Variants in VWC2L observed in about 807,000 individuals in gnomAD.
VWC2L encodes von Willebrand factor C domain containing 2 like, also known as von Willebrand factor C domain-containing protein 2-like.
Under a neutral mutation model 21.6 loss-of-function variants are expected in VWC2L, and 10 were observed. The ratio of observed to expected loss-of-function variants is 0.46; its 90% CI spans 0.29 to 0.78. The LOEUF (loss-of-function observed/expected upper bound fraction) is 0.78, where lower values mean the gene tolerates loss of function less well. Among genes scored for constraint, VWC2L ranks in the 30% least tolerant of loss-of-function variants. The probability of loss-of-function intolerance (pLI) is 0.10; values close to 1 mark genes in which losing one functional copy is unlikely to be tolerated. For missense variants in VWC2L, 209 were observed against 277.1 expected, an observed-to-expected ratio of 0.75 and a Z score of 1.74; for synonymous variants, 96 against 94.3, an observed-to-expected ratio of 1.02 and a Z score of -0.10.
At chr2:214,541,540 G>A (rs1312200466) in intron 3 of VWC2L, among the ~76,000 whole-genome samples, 1 of 152,180 alleles carries the variant, frequency 6.6e-6, no homozygotes, top group Non-Finnish European at 1.5e-5. Flanking sequence ...AGAAATAATT[G>A]TTTGGGTAGT....
chr2:214,571,811 G>A (rs1467402844), intron 3 of VWC2L, among the ~76,000 whole-genome samples: 3 of 151,672 alleles, frequency 2.0e-5, no homozygotes, highest in African/African-American at 7.3e-5. Context: ...TCTCGATTCA[G>A]GGGCTCCCTG....
chr2:214,428,464 T>A (rs1415430377), intron 2 of VWC2L, among the ~76,000 whole-genome samples: 2 of 152,192 alleles, frequency 1.3e-5, no homozygotes, highest in Non-Finnish European at 2.9e-5. Flanking sequence ...GCTTCTGCCA[T>A]ACCTTGTCCC....
chr2:214,497,594 G>A (rs909942548), intron 3 of VWC2L, among the ~76,000 whole-genome samples: 3 of 152,098 alleles, frequency 2.0e-5, no homozygotes, highest in Non-Finnish European at 4.4e-5. Flanking sequence ...TTTGGCTCAG[G>A]ATATAATCTG....
intron 3 of VWC2L, among the ~76,000 whole-genome samples, chr2:214,439,013 G>T (rs868009667): frequency 3.9e-5 from 6 of 151,956 alleles, no homozygotes; most frequent in African/African-American, 1.4e-4. Context: ...TTAGTGGAAG[G>T]ACTGATTGTA....
intron 3 of VWC2L, among the ~76,000 whole-genome samples, chr2:214,495,091 G>C (rs1471330282): frequency 6.6e-6 from 1 of 151,916 alleles, no homozygotes; most frequent in Non-Finnish European, 1.5e-5. Flanking sequence ...TTGGTTCAAC[G>C]GTTTTTATTG....
At chr2:214,422,016 T>A (rs1702450585) in intron 2 of VWC2L, among the ~76,000 whole-genome samples, 1 of 147,730 alleles carries the variant, frequency 6.8e-6, no homozygotes, top group Non-Finnish European at 1.5e-5. Context: ...CAGCCTCCCA[T>A]GTAGCTGGGA....
chr2:214,501,120 A>T (rs935588029), intron 3 of VWC2L, among the ~76,000 whole-genome samples: 3 of 151,968 alleles, frequency 2.0e-5, no homozygotes, highest in African/African-American at 7.3e-5. Flanking sequence ...CCAATACTAA[A>T]CCCCCAAATT....
chr2:214,488,163 A>G (rs1688696862), intron 3 of VWC2L, among the ~76,000 whole-genome samples: 1 of 152,124 alleles, frequency 6.6e-6, no homozygotes, highest in African/African-American at 2.4e-5. Context: ...CCCAGCTTCT[A>G]CCGCTTCATG....
chr2:214,436,775 T>C lies in VWC2L; in HGVS notation c.520+17T>C. ...GCAAAAATGGTAAGACCACACTGCA[T>C]TAGCTTTTGAAGAGGGGTTCGCACA... On this transcript the variant is annotated intron_variant, in intron 3 of 3. Transcript: ENST00000312504. 6.2e-7 allele frequency: 1 copy of C among 1,612,468 alleles called. No individual in the cohort carries two copies. Among genetic ancestry groups the C allele is most frequent in the Non-Finnish European group, 8.5e-7 (1 of 1,178,862 alleles).
chr2:214,477,092 G>A (rs935325430), intron 3 of VWC2L, among the ~76,000 whole-genome samples: 7 of 152,196 alleles, frequency 4.6e-5, no homozygotes, highest in South Asian at 2.1e-4. Flanking sequence ...CTAAAGCTAC[G>A]TGACACCTCC....
chr2:214,423,380 C>T lies in VWC2L; in HGVS notation c.390+8797C>T, dbSNP rs186779943. Among the ~76,000 whole-genome samples the T allele has an allele frequency of 8.3e-4, 126 of 152,214 alleles. 1 individual carries two copies. Among genetic ancestry groups the T allele is most frequent in the African/African-American group, 2.8e-3 (115 of 41,566 alleles). On this transcript the variant is annotated intron_variant, in intron 2 of 3. Transcript: ENST00000312504. Reference sequence around the variant, plus strand: ...ACAGAAACTTAGTGATAACACACTTCCATTGTGCCAAATAATGGCACAGCT... The same window carrying T: ...ACAGAAACTTAGTGATAACACACTTTCATTGTGCCAAATAATGGCACAGCT...
chr2:214,554,395 C>T (rs145827867), intron 3 of VWC2L, among the ~76,000 whole-genome samples: 56 of 152,094 alleles, frequency 3.7e-4, no homozygotes, highest in Admixed American at 9.8e-4. Flanking sequence ...GGGGGCCAGA[C>T]ATGCCTTGCC....
At chr2:214,506,450 T>C (rs1051811915) in intron 3 of VWC2L, among the ~76,000 whole-genome samples, 1 of 152,164 alleles carries the variant, frequency 6.6e-6, no homozygotes, top group Non-Finnish European at 1.5e-5. Flanking sequence ...ATTAAGAATT[T>C]CTTAAAATCT....
intron 3 of VWC2L, among the ~76,000 whole-genome samples, chr2:214,484,058 C>T (rs1216199504): frequency 6.6e-6 from 1 of 152,114 alleles, no homozygotes; most frequent in Non-Finnish European, 1.5e-5. Context: ...TTGCAGATTC[C>T]TTGGCTTGCA....
At chr2:214,468,450 T>G (rs1395123342) in intron 3 of VWC2L, among the ~76,000 whole-genome samples, 1 of 152,252 alleles carries the variant, frequency 6.6e-6, no homozygotes, top group African/African-American at 2.4e-5. Context: ...AAAGACATTG[T>G]GCTTTCCATA....
intron 3 of VWC2L, among the ~76,000 whole-genome samples, chr2:214,445,520 A>T (rs1203157782): frequency 6.6e-6 from 1 of 151,792 alleles, no homozygotes; most frequent in East Asian, 1.9e-4. Context: ...GTATGTATGT[A>T]TGTACATATA....
At chr2:214,416,559 AC>A (rs1322997757) in intron 2 of VWC2L, among the ~76,000 whole-genome samples, 2 of 152,060 alleles carry the variant, frequency 1.3e-5, no homozygotes, top group Admixed American at 1.3e-4. Context: ...AGAAACTGAG[AC>A]CAAAAAAGTA....
intron 2 of VWC2L, among the ~76,000 whole-genome samples, chr2:214,418,139 CTCTG>C (rs145381256): frequency 2.4e-4 from 36 of 152,276 alleles, no homozygotes; most frequent in African/African-American, 8.4e-4. Context: ...GGAAACCCCT[CTCTG>C]TCTGTCCTAC....
At chr2:214,552,128 A>G (rs977774230) in intron 3 of VWC2L, among the ~76,000 whole-genome samples, 6 of 152,210 alleles carry the variant, frequency 3.9e-5, no homozygotes, top group Non-Finnish European at 7.3e-5. Context: ...GCTGTGATTC[A>G]CAGTTCCTGG....
Sources: allele counts gnomAD v4.1 joint callset (sites outside exome capture counted in the v4.1 genomes callset), GRCh38; gene constraint gnomAD v4.1.1; transcripts MANE v1.5; gene names NCBI Gene and HGNC (gene_info 2026-07-23, HGNC 2026-07-21).